CPNE4: variants seen among roughly 807,000 people sequenced by gnomAD.
The protein encoded by CPNE4 is copine-4.
A neutral mutation model predicts 67.9 loss-of-function variants in CPNE4; 25 were observed. The ratio of observed to expected loss-of-function variants is 0.37; its 90% CI spans 0.27 to 0.51. The LOEUF (loss-of-function observed/expected upper bound fraction) is 0.51. Ranked by LOEUF, CPNE4 falls within the 20% of genes least tolerant of loss-of-function variation. The pLI is 0.93. For missense variants in CPNE4, 464 were observed against 690.8 expected (o/e 0.67, Z 3.68); for synonymous variants, 242 against 244.9 (o/e 0.99, Z 0.11).
intron 2 of CPNE4, among the ~76,000 whole-genome samples, chr3:131,776,450 AGAGAG>A (rs1298468282): frequency 6.6e-6 from 1 of 152,130 alleles, no homozygotes; most frequent in African/African-American, 2.4e-5. Context: ...GAGCATTCAG[AGAGAG>A]GAGGCTGATG....
intron 3 of CPNE4, among the ~76,000 whole-genome samples, chr3:131,700,232 G>T (rs1171863634): frequency 1.3e-5 from 2 of 151,792 alleles, no homozygotes; most frequent in Non-Finnish European, 2.9e-5. Flanking sequence ...AGTCAATTGG[G>T]AGGTGGCTTA....
At chr3:131,974,242 T>C (rs1406730457) in intron 1 of CPNE4, among the ~76,000 whole-genome samples, 1 of 152,240 alleles carries the variant, frequency 6.6e-6, no homozygotes, top group Non-Finnish European at 1.5e-5. Context: ...CCTTAATTTC[T>C]ATTTTCCTTC....
In CPNE4 at chr3:131,626,933, G is replaced by A. The variant is rs569163660; in HGVS notation, c.682-39351C>T. ...TAAATTGCTGGGCACGGTGGCTCAC[G>A]CCTGTAATGCCAGCACTTTGGGAGA... On this transcript the variant is annotated intron_variant, in intron 7 of 15. Transcript: ENST00000429747. 6.6e-5 allele frequency among the ~76,000 whole-genome samples: 10 copies of A among 152,192 alleles called. No homozygotes were observed. The South Asian group carries it at 1.5e-3, about 22-fold the overall frequency.
At chr3:131,667,806 T>C (rs529242369) in intron 7 of CPNE4, among the ~76,000 whole-genome samples, 1 of 152,280 alleles carries the variant, frequency 6.6e-6, no homozygotes, top group East Asian at 1.9e-4. Flanking sequence ...CAATTACAGA[T>C]GACCCTCTCC....
At chr3:131,871,003 A>C (rs1309960824) in intron 2 of CPNE4, among the ~76,000 whole-genome samples, 1 of 152,174 alleles carries the variant, frequency 6.6e-6, no homozygotes, top group Admixed American at 6.5e-5. Context: ...GAAAGACAAT[A>C]GTTTGGGAAA....
intron 2 of CPNE4, among the ~76,000 whole-genome samples, chr3:131,814,831 C>T (rs1175386946): frequency 1.3e-5 from 2 of 149,992 alleles, no homozygotes; most frequent in East Asian, 3.9e-4. Context: ...GTCTCGATCT[C>T]CTGACCTCGT....
At chr3:131,743,630 A>C (rs901135879) in intron 2 of CPNE4, among the ~76,000 whole-genome samples, 1 of 152,222 alleles carries the variant, frequency 6.6e-6, no homozygotes, top group Non-Finnish European at 1.5e-5. Flanking sequence ...CAATGTAATT[A>C]ATCACATCAA....
chr3:131,873,792 G>A (rs992908725), intron 2 of CPNE4, among the ~76,000 whole-genome samples: 6 of 152,194 alleles, frequency 3.9e-5, no homozygotes, highest in Non-Finnish European at 7.3e-5. Context: ...AGGACAGCGG[G>A]AAAGTGGTAG....
intron 1 of CPNE4, among the ~76,000 whole-genome samples, chr3:131,909,115 C>A (rs191069497): frequency 7.2e-5 from 11 of 152,080 alleles, no homozygotes; most frequent in Non-Finnish European, 1.0e-4. Flanking sequence ...AGCATACTAC[C>A]CTCCATCTAA....
intron 1 of CPNE4, among the ~76,000 whole-genome samples, chr3:132,001,681 A>G (rs575986988): frequency 6.6e-6 from 1 of 152,238 alleles, no homozygotes; most frequent in Non-Finnish European, 1.5e-5. Flanking sequence ...CAAAGCAACA[A>G]TTCTTACAGA....
intron 3 of CPNE4, among the ~76,000 whole-genome samples, chr3:131,704,159 C>A (rs1165269144): frequency 6.6e-6 from 1 of 152,164 alleles, no homozygotes; most frequent in African/African-American, 2.4e-5. Flanking sequence ...GTTTCCTGGT[C>A]TCTCACTGTA....
chr3:132,018,959 C>T (rs1320566947), intron 1 of CPNE4, among the ~76,000 whole-genome samples: 2 of 152,150 alleles, frequency 1.3e-5, no homozygotes, highest in Non-Finnish European at 2.9e-5. Context: ...CTTGAGCAAC[C>T]ACCAAAACGT....
intron 2 of CPNE4, among the ~76,000 whole-genome samples, chr3:131,886,118 GGAA>G (rs758540123): frequency 2.6e-5 from 4 of 152,232 alleles, no homozygotes; most frequent in Non-Finnish European, 4.4e-5. Flanking sequence ...AGGCCTAGGA[GGAA>G]GAAGTGGTTT....
chr3:131,817,597 G>A (rs61564665), intron 2 of CPNE4, among the ~76,000 whole-genome samples: 30,532 of 152,058 alleles, frequency 0.2, 3,330 homozygotes, highest in East Asian at 0.33. Context: ...GGAAAAAGAA[G>A]AGTGGTAGGT....
At chr3:131,606,244 T>G (rs2107733150) in intron 7 of CPNE4, among the ~76,000 whole-genome samples, 1 of 152,338 alleles carries the variant, frequency 6.6e-6, no homozygotes, top group Admixed American at 6.5e-5. Flanking sequence ...ACTATGTATT[T>G]CTAACTCATT....
At chr3:131,917,782 G>A (rs1030551293) in intron 1 of CPNE4, among the ~76,000 whole-genome samples, 2 of 152,210 alleles carry the variant, frequency 1.3e-5, no homozygotes, top group Admixed American at 1.3e-4. Flanking sequence ...GATCAAGTCA[G>A]TGGACCAGGG....
chr3:131,731,382 T>C (rs1191238141), intron 2 of CPNE4, among the ~76,000 whole-genome samples: 2 of 152,226 alleles, frequency 1.3e-5, no homozygotes, highest in African/African-American at 4.8e-5. Flanking sequence ...TAATATGTTC[T>C]GGGTCTTCCC....
chr3:131,639,107 A>G (rs1431800460), intron 7 of CPNE4, among the ~76,000 whole-genome samples: 4 of 152,256 alleles, frequency 2.6e-5, no homozygotes, highest in Admixed American at 6.5e-5. Flanking sequence ...ATGGAACTGG[A>G]GAAACAAGAA....
rs561504622 is a variant in CPNE4, at chr3:131,769,573, C to T, written c.181-45948G>A. Among the ~76,000 whole-genome samples the T allele has an allele frequency of 1.8e-4, 27 of 152,054 alleles. 1 individual carries two copies. The highest frequency in any genetic ancestry group is 3.5e-4 in the Non-Finnish European group (24 of 68,016). ...CAGTGATGATAACCTGTATAGGAGG[C>T]GAGGATAAAATGCTACCTTCAACAA... On this transcript the variant is annotated intron_variant, in intron 2 of 15. Coordinates refer to ENST00000429747, the MANE Select transcript of CPNE4 (RefSeq NM_130808.3).
Sources: allele counts gnomAD v4.1 joint callset (sites outside exome capture counted in the v4.1 genomes callset), GRCh38; gene constraint gnomAD v4.1.1; transcripts MANE v1.5; gene names NCBI Gene and HGNC (gene_info 2026-07-23, HGNC 2026-07-21).